ZNF296: variants seen among roughly 807,000 people sequenced by gnomAD.
ZNF296 encodes the protein zinc finger protein 342.
A neutral mutation model predicts 13.2 loss-of-function variants in ZNF296; 1 was observed. The ratio of observed to expected loss-of-function variants is 0.08; its 90% CI spans 0.03 to 0.36. The LOEUF is 0.36. Among genes scored for constraint, ZNF296 ranks in the 10% least tolerant of loss-of-function variants. ZNF296 has a pLI of 0.99. For synonymous variants in ZNF296, 303 were observed against 289.0 expected, an observed-to-expected ratio of 1.05 and a Z score of -0.49; for missense variants, 555 against 688.2, an observed-to-expected ratio of 0.81 and a Z score of 2.16.
Position 45,072,349 on chromosome 19 carries a change from G to C in ZNF296, c.680C>G (p.Thr227Ser). ...KSPRASGSGL[T>S]RRSPTCPVCK... ...CACAGGACAGGTGGGGCTCCGCCGG[G>C]TGAGGCCGCTGCCACTTGCACGGGG... The change falls in exon 3 of 3, where the codon ACC becomes AGC. Residue 227 changes from threonine (T) to serine (S), a missense_variant. Around this residue, in one of 3 missense-constraint regions of ZNF296, gnomAD observed 410 missense variants for 548.0 expected, o/e 0.75. Transcript: ENST00000303809. The C allele has an allele frequency of 6.2e-7, 1 of 1,612,688 alleles. No individual in the cohort carries two copies. Among genetic ancestry groups the C allele is most frequent in the Non-Finnish European group, 8.5e-7 (1 of 1,179,902 alleles).
Position 45,076,463 on chromosome 19 carries a change from G to T in ZNF296, c.-90C>A, listed in dbSNP as rs1472979297. On this transcript the variant is annotated 5_prime_UTR_variant, in exon 1 of 3. Transcript: ENST00000303809. This position sits in a 1 kb window ranked among gnomAD's most constrained non-coding sequence, Gnocchi z 4.9. ...AGCGGAGGACGCGCGGACCGTGCGC[G>T]CTCAGGTGAGTGACTGCGGCGACCC... The T allele has an allele frequency of 1.0e-6, 1 of 996,436 alleles. No homozygotes were observed. The highest frequency in any genetic ancestry group is 1.3e-6 in the Non-Finnish European group (1 of 780,276). The allele number at this position is 996,436 out of a possible 1,614,324, so 61.7% of individuals were successfully genotyped here. A position where few individuals can be genotyped will look rare whatever the true frequency, so the allele number is the denominator to read the frequency against.
rs1555735040 is a variant in ZNF296, at chr19:45,076,395, AGCGGGCGGGCAGGCAGGCAG to A, written c.-42_-23del. 7 of 1,250,094 alleles carry A rather than the reference AGCGGGCGGGCAGGCAGGCAG, an allele frequency of 5.6e-6. No homozygotes were observed. The highest frequency in any genetic ancestry group is 5.0e-6 in the Non-Finnish European group (5 of 997,286). The allele number at this position is 1,250,094 out of a possible 1,614,324, so 77.4% of individuals were successfully genotyped here. A position where few individuals can be genotyped will look rare whatever the true frequency, so the allele number is the denominator to read the frequency against. On this transcript the variant is annotated 5_prime_UTR_variant, in exon 1 of 3. Transcript: ENST00000303809. The surrounding 1 kb of genome is among the most constrained non-coding windows in gnomAD (Gnocchi z 4.9). ...ACATGAGTCGCGGGCCGGGCGAGCG[AGCGGGCGGGCAGGCAGGCAG>A]GCGGGCGGGCGGAGGACGCACGAGC...
chr19:45,072,677 T>C, intron 2 of ZNF296, 97 bp from the exon 3 acceptor site: 1 of 1,425,114 alleles, frequency 7.0e-7, no homozygotes, highest in Non-Finnish European at 9.4e-7. Flanking sequence ...GACTTGGCAG[T>C]AACAAGACAC....
chr19:45,075,112 CA>C (rs1568426596), intron 2 of ZNF296, among the ~76,000 whole-genome samples: 1 of 152,216 alleles, frequency 6.6e-6, no homozygotes, highest in Non-Finnish European at 1.5e-5. Context: ...AATTCCCTCC[CA>C]AGAGAAGGAA....
rs775774954 is a variant in ZNF296, at chr19:45,075,819, G to A, written c.342C>T (p.Cys114=). The A allele has an allele frequency of 6.8e-6, 11 of 1,614,026 alleles. No homozygotes were observed. The highest frequency in any genetic ancestry group is 1.7e-5 in the Admixed American group (1 of 60,002). The change falls in exon 2 of 3, where the codon TGC becomes TGT. Residue 114 remains cysteine (C), a synonymous_variant. Transcript: ENST00000303809. ...WTDKHPDLLT[C]GRCLQTFPLE... is the part of the protein sequence containing the mutation. The stretch of plus-strand genomic sequence containing the variant: ...ACGGGAAGGTCTGCAGGCAGCGGCC[G>A]CAGGTCAACAGATCTGGGTGTTTGT...
intron 2 of ZNF296, 88 bp from the exon 3 acceptor site, chr19:45,072,668 A>G: frequency 6.8e-7 from 1 of 1,466,698 alleles, no homozygotes; most frequent in Non-Finnish European, 9.1e-7. Flanking sequence ...GGGGCAAAGG[A>G]CTTGGCAGTA....
chr19:45,074,219 G>C (rs2122634029), intron 2 of ZNF296, among the ~76,000 whole-genome samples: 1 of 151,772 alleles, frequency 6.6e-6, no homozygotes, highest in South Asian at 2.1e-4. Flanking sequence ...AAATTAGCTG[G>C]CCATGGTGGT....
chr19:45,076,163 C>A lies in ZNF296; in HGVS notation c.211G>T (p.Gly71Cys). ...AGGGCGGCCCCGGCGGGCATGGGGC[C>A]AGGGGAGTGGTGGGGTTCGCCGCCG... is the stretch of plus-strand genomic sequence containing the variant. ...RFGGEPHHSP[G>C]PMPAGAALLA... is the part of the protein sequence containing the mutation. The change falls in exon 1 of 3, where the codon GGC becomes TGC. Residue 71 changes from glycine (G) to cysteine (C), a missense_variant. Physicochemically the swap from Gly to Cys is radical, Grantham distance 159. Coordinates refer to ENST00000303809, the MANE Select transcript of ZNF296 (RefSeq NM_145288.3). The surrounding 1 kb of genome is among the most constrained non-coding windows in gnomAD (Gnocchi z 4.9). The A allele has an allele frequency of 6.5e-7, 1 of 1,533,188 alleles. No homozygotes were observed. Among genetic ancestry groups the A allele is most frequent in the South Asian group, 1.3e-5 (1 of 79,796 alleles). 95.0% of individuals were successfully genotyped at this position (1,533,188 alleles called of 1,614,324 possible).
At position 45,075,854 on chromosome 19, in the gene ZNF296, G is replaced by A. The variant is rs759451425; in HGVS notation, c.307C>T (p.Pro103Ser). Residue 103 changes from proline (P) to serine (S), a missense_variant, in exon 2 of 3, where the codon CCC becomes TCC. Physicochemically the swap from Pro to Ser is moderately conservative, Grantham distance 74. This residue lies in a region of ZNF296 where 410 missense variants were observed against 548.0 expected (regional missense o/e 0.75). Transcript: ENST00000303809. Reference protein sequence around the residue: ...PLTPNYPDRQPWTDKHPDLLT... With the variant: ...PLTPNYPDRQSWTDKHPDLLT... ...AGATCTGGGTGTTTGTCGGTCCAGG[G>A]CTGGCGGTCTGCAGGGAGGAAGCGG... 1.2e-6 allele frequency: 2 copies of A among 1,614,010 alleles called. No individual in the cohort carries two copies.
chr19:45,073,193 C>T (rs1017122455), intron 2 of ZNF296, among the ~76,000 whole-genome samples: 1 of 152,074 alleles, frequency 6.6e-6, no homozygotes, highest in African/African-American at 2.4e-5. Context: ...AGAACTGAGG[C>T]ACAGAGAGGC....
chr19:45,072,463 G>A lies in ZNF296; in HGVS notation c.566C>T (p.Ser189Leu). 1.9e-6 allele frequency: 3 copies of A among 1,613,318 alleles called. No individual in the cohort carries two copies. The highest frequency in any genetic ancestry group is 2.5e-6 in the Non-Finnish European group (3 of 1,179,982). ...CAGGAGCGGGGCCTCCGGGGCCTCT[G>A]ATTCTGTCTGGTAGATGGACAGTCC... is the stretch of plus-strand genomic sequence containing the variant. ...DHGLSIYQTE[S>L]EAPEAPLLGL... is the part of the protein sequence containing the mutation. Residue 189 changes from serine to leucine, a missense_variant, in exon 3 of 3, where the codon TCA becomes TTA. Coordinates refer to ENST00000303809, the MANE Select transcript of ZNF296 (RefSeq NM_145288.3).
At position 45,072,333 on chromosome 19, in the gene ZNF296, G is replaced by A; in HGVS notation, c.696C>T (p.Thr232=). ...TGAGGGTCTTCTTGCACACAGGACA[G>A]GTGGGGCTCCGCCGGGTGAGGCCGC... ...SGSGLTRRSP[T]CPVCKKTLSS... is the part of the protein sequence containing the mutation. The change falls in exon 3 of 3, where the codon ACC becomes ACT. Residue 232 remains threonine, a synonymous_variant. Transcript: ENST00000303809. 13 of 1,612,946 alleles carry A rather than the reference G, an allele frequency of 8.1e-6. No individual in the cohort carries two copies. The highest frequency in any genetic ancestry group is 1.0e-5 in the Non-Finnish European group (12 of 1,179,920).
chr19:45,074,927 A>G (rs1967316940), intron 2 of ZNF296, among the ~76,000 whole-genome samples: 1 of 152,042 alleles, frequency 6.6e-6, no homozygotes, highest in South Asian at 2.1e-4. Flanking sequence ...AATCAGTCAC[A>G]AGCCCCTCCT....
intron 2 of ZNF296, among the ~76,000 whole-genome samples, chr19:45,075,010 G>A (rs539503195): frequency 2.6e-4 from 40 of 152,318 alleles, no homozygotes; most frequent in Admixed American, 1.3e-3. Flanking sequence ...GAAGGGCAAG[G>A]GCCAGGGGGC....
chr19:45,074,486 C>G (rs563393022), intron 2 of ZNF296, among the ~76,000 whole-genome samples: 4 of 152,332 alleles, frequency 2.6e-5, no homozygotes, highest in African/African-American at 9.6e-5. Context: ...GGATTTCTAT[C>G]TGGACCTTCG....
At chr19:45,073,373 A>ATT (rs113101222) in intron 2 of ZNF296, among the ~76,000 whole-genome samples, 48 of 129,730 alleles carry the variant, frequency 3.7e-4, no homozygotes, top group African/African-American at 1.2e-3. Flanking sequence ...TGCCCAGGCT[A>ATT]TTTTTTTTTT....
At chr19:45,073,772 C>T (rs891257006) in intron 2 of ZNF296, among the ~76,000 whole-genome samples, 1 of 151,512 alleles carries the variant, frequency 6.6e-6, no homozygotes, top group East Asian at 2.0e-4. Flanking sequence ...ACCTGTCATC[C>T]CAGCACTTTG....
In ZNF296 at chr19:45,072,431, C is replaced by T. The variant is rs1967273899; in HGVS notation, c.598G>A (p.Ala200Thr). ...EAPEAPLLGL[A>T]EVAAAVSAVV... ...GCCGACACGGCTGCAGCCACCTCGGCCAGGCCCAGGAGCGGGGCCTCCGGG... is the reference window on the plus strand; with the variant it reads ...GCCGACACGGCTGCAGCCACCTCGGTCAGGCCCAGGAGCGGGGCCTCCGGG... Residue 200 changes from alanine to threonine, a missense_variant, in exon 3 of 3, where the codon GCC becomes ACC. By Grantham distance (58) the Ala-to-Thr change is moderately conservative. Transcript: ENST00000303809. The T allele has an allele frequency of 6.2e-7, 1 of 1,612,670 alleles. No homozygotes were observed. The highest frequency in any genetic ancestry group is 1.3e-5 in the African/African-American group (1 of 74,938).
intron 1 of ZNF296, 92 bp downstream of exon 1, chr19:45,075,984 T>C (rs150503754): frequency 0.016 from 25,506 of 1,573,586 alleles, 262 homozygotes; most frequent in Middle Eastern, 0.024. Flanking sequence ...GCGAAGGAGA[T>C]AAGGCAGGGC....
Sources: gnomAD v4.1 joint callset for allele counts (sites outside exome capture counted in the v4.1 genomes callset) on GRCh38, gnomAD v4.1.1 for gene constraint, gnomAD v4.1.1 regional missense constraint, Gnocchi (gnomAD v3.1) non-coding constraint, MANE v1.5 for transcripts, NCBI Gene and HGNC (gene_info 2026-07-23, HGNC 2026-07-21) for gene names.